The following DCHS1 variants were observed in gnomAD, a reference collection of about 807,000 sequenced individuals.
DCHS1 encodes the protein protocadherin-16.
In DCHS1, 78 loss-of-function variants were observed where a neutral mutation model predicts 213.9. That is an observed-to-expected ratio of 0.36 (90% CI 0.30 to 0.44). The LOEUF (loss-of-function observed/expected upper bound fraction) is 0.44, where lower values mean the gene tolerates loss of function less well. DCHS1 is among the 20% of genes least tolerant of loss of function. DCHS1 has a pLI of 1.00. For missense variants in DCHS1, 3,946 were observed against 4,395.9 expected (o/e 0.90, Z 2.89); for synonymous variants, 1,828 against 1,873.7 (o/e 0.98, Z 0.63).
At position 6,624,371 on chromosome 11, in the gene DCHS1, C is replaced by T; in HGVS notation, c.7305G>A (p.Val2435=). The change falls in exon 21 of 21, where the codon GTG becomes GTA. Residue 2435 remains valine, a synonymous_variant. Transcript: ENST00000299441. The stretch of plus-strand genomic sequence containing the variant: ...CGTCATGGCCCAAGGCCACTGTTCC[C>T]ACTATTGTGAACAGGGTCCCTGAGA... ...DPNNGTLFTI[V]GTVALGHDGS... is the part of the protein sequence containing the mutation. 6.4e-7 allele frequency: 1 copy of T among 1,567,738 alleles called. No homozygotes were observed. The highest frequency in any genetic ancestry group is 1.9e-5 in the Admixed American group (1 of 53,768).
chr11:6,638,725 G>C (rs1856021751), intron 2 of DCHS1, among the ~76,000 whole-genome samples: 1 of 151,922 alleles, frequency 6.6e-6, no homozygotes, highest in Non-Finnish European at 1.5e-5. Flanking sequence ...TTGTTCTCTG[G>C]GCCTAGCACA....
At chr11:6,648,990 G>A (rs879499749) in intron 1 of DCHS1, among the ~76,000 whole-genome samples, 1 of 151,928 alleles carries the variant, frequency 6.6e-6, no homozygotes, top group Non-Finnish European at 1.5e-5. Flanking sequence ...AAACCTCTGG[G>A]GTTTAAAGTG....
At position 6,626,272 on chromosome 11, in the gene DCHS1, GT is replaced by G; in HGVS notation, c.6472del (p.Thr2158ProfsTer2). ...SGGAFAFTVL[T>X]LTLQDANDNA... The stretch of plus-strand genomic sequence containing the variant: ...GTCGTTGGCATCTTGCAGGGTCAGG[GT>G]CAGCACAGTGAAGGCAAAGGCTCCT... On this transcript the variant is annotated frameshift_variant, in exon 16 of 21. Coordinates refer to ENST00000299441, the MANE Select transcript of DCHS1 (RefSeq NM_003737.4). LOFTEE classifies it high-confidence loss of function. The surrounding 1 kb of genome is among the most constrained non-coding windows in gnomAD (Gnocchi z 5.2). 6.2e-7 allele frequency: 1 copy of G among 1,613,190 alleles called. No homozygotes were observed. The highest frequency in any genetic ancestry group is 8.5e-7 in the Non-Finnish European group (1 of 1,179,542).
In DCHS1 at chr11:6,621,547, A is replaced by G. The variant is rs1455625076; in HGVS notation, c.*232T>C. 1.2e-5 allele frequency: 8 copies of G among 668,732 alleles called. No individual in the cohort carries two copies. Among genetic ancestry groups the G allele is most frequent in the Non-Finnish European group, 2.2e-5 (8 of 365,364 alleles). 41.4% of individuals were successfully genotyped at this position (668,732 alleles called of 1,614,324 possible). A position where few individuals can be genotyped will look rare whatever the true frequency, so the allele number is the denominator to read the frequency against. On this transcript the variant is annotated 3_prime_UTR_variant, in exon 21 of 21. Transcript: ENST00000299441. ...TCACTGAGGAGAACCCAGGGCTGCT[A>G]CCTCCTTCATATTTCTCCCCACATT...
Position 6,641,639 on chromosome 11 carries a change from G to A in DCHS1, c.-26C>T. ...GACAAGGGTAGTCCAGCTGTGCCTTGGGCTCCAGCTCCAGGCCAGGCTCTG... is the reference window on the plus strand; with the variant it reads ...GACAAGGGTAGTCCAGCTGTGCCTTAGGCTCCAGCTCCAGGCCAGGCTCTG... On this transcript the variant is annotated 5_prime_UTR_variant, in exon 2 of 21. Coordinates refer to ENST00000299441, the MANE Select transcript of DCHS1 (RefSeq NM_003737.4). The surrounding 1 kb of genome is among the most constrained non-coding windows in gnomAD (Gnocchi z 7.1). 3 of 1,515,580 alleles carry A rather than the reference G, an allele frequency of 2.0e-6. No homozygotes were observed. The highest frequency in any genetic ancestry group is 2.7e-6 in the Non-Finnish European group (3 of 1,125,400). The allele number at this position is 1,515,580 out of a possible 1,614,324, so 93.9% of individuals were successfully genotyped here.
chr11:6,641,108 T>TCACG lies in DCHS1; in HGVS notation c.502_505dup (p.Asp169AlafsTer2). 6.2e-7 allele frequency: 1 copy of TCACG among 1,613,934 alleles called. No homozygotes were observed. Among genetic ancestry groups the TCACG allele is most frequent in the Non-Finnish European group, 8.5e-7 (1 of 1,179,890 alleles). ...GGTTCCCAGACGCCCAGCATCTGCA[T>TCACG]CACGAGCAGGCTCCAGTGGGTAGCG... On this transcript the variant is annotated stop_gained and frameshift_variant, in exon 2 of 21. Transcript: ENST00000299441. LOFTEE classifies it high-confidence loss of function. This position sits in a 1 kb window ranked among gnomAD's most constrained non-coding sequence, Gnocchi z 7.1.
chr11:6,624,196 C>G lies in DCHS1; in HGVS notation c.7480G>C (p.Asp2494His), dbSNP rs772698485. ...AGCAGAGTGGAGCCAGGGGGCAGGT[C>G]TTCAGTCACAGCCACACGGTAGTGT... ...LSHYRVAVTE[D>H]LPPGSTLLTL... The change falls in exon 21 of 21, where the codon GAC (aspartate) becomes CAC (histidine). Residue 2494 changes from aspartate (D) to histidine (H), a missense_variant. Coordinates refer to ENST00000299441, the MANE Select transcript of DCHS1 (RefSeq NM_003737.4). 11 of 1,613,374 alleles carry G rather than the reference C, an allele frequency of 6.8e-6. No individual in the cohort carries two copies. The highest frequency in any genetic ancestry group is 9.3e-6 in the Non-Finnish European group (11 of 1,179,740).
chr11:6,653,613 G>A (rs1415576189), intron 1 of DCHS1, among the ~76,000 whole-genome samples: 2 of 152,204 alleles, frequency 1.3e-5, no homozygotes, highest in African/African-American at 4.8e-5. Flanking sequence ...ATTTATTTAT[G>A]AAGGGCCCAG....
rs1855745878 is a variant in DCHS1 at position 6,623,770 on chromosome 11, G to A, written c.7906C>T (p.Leu2636Phe). Residue 2636 changes from leucine (L) to phenylalanine (F), a missense_variant, in exon 21 of 21, where the codon CTC becomes TTC. By Grantham distance (22) the Leu-to-Phe change is conservative. This residue lies in a region of DCHS1 where 3,384 missense variants were observed against 3,780.1 expected (regional missense o/e 0.90). Coordinates refer to ENST00000299441, the MANE Select transcript of DCHS1 (RefSeq NM_003737.4). ...ASDADPGPHGLVRFTVSSGDP... is the reference protein window; with the variant it reads ...ASDADPGPHGFVRFTVSSGDP... The stretch of plus-strand genomic sequence containing the variant: ...CCTGAGCTGACAGTGAAACGCACGA[G>A]GCCATGAGGGCCAGGGTCAGCGTCA... 6 of 1,613,974 alleles carry A rather than the reference G, an allele frequency of 3.7e-6. No homozygotes were observed. The highest frequency in any genetic ancestry group is 4.2e-6 in the Non-Finnish European group (5 of 1,179,918).
intron 2 of DCHS1, chr11:6,634,793 C>A (rs1016730623): frequency 4.0e-5 from 6 of 151,726 alleles, no homozygotes; most frequent in African/African-American, 1.2e-4. Context: ...AAAAAAGTTG[C>A]AGTAAATAGA....
rs544570203 is a variant in DCHS1, at chr11:6,630,878, G to A, written c.3931-15C>T. The A allele has an allele frequency of 3.9e-5, 59 of 1,508,566 alleles. No homozygotes were observed. The East Asian group carries it at 5.2e-4, about 13-fold the overall frequency. 93.4% of individuals were successfully genotyped at this position (1,508,566 alleles called of 1,614,324 possible). A position where few individuals can be genotyped will look rare whatever the true frequency, so the allele number is the denominator to read the frequency against. The stretch of plus-strand genomic sequence containing the variant: ...GAGGGAAGCACCTGTTGTGGACCGG[G>A]GAGGGAGAACAGAATTGTGAGGGCC... On this transcript the variant is annotated splice_polypyrimidine_tract_variant and intron_variant, in intron 9 of 20. Coordinates refer to ENST00000299441, the MANE Select transcript of DCHS1 (RefSeq NM_003737.4).
chr11:6,623,258 C>G lies in DCHS1; in HGVS notation c.8418G>C (p.Glu2806Asp), dbSNP rs750645299. The G allele has an allele frequency of 4.4e-6, 7 of 1,590,990 alleles. No individual in the cohort carries two copies. In the African/African-American group the frequency reaches 8.1e-5, roughly 18 times the overall value. The change falls in exon 21 of 21, where the codon GAG (glutamate) becomes GAC (aspartate). Residue 2806 changes from glutamate (E) to aspartate (D), a missense_variant. Around this residue, in one of 3 missense-constraint regions of DCHS1, gnomAD observed 3,384 missense variants for 3,780.1 expected, o/e 0.90. Coordinates refer to ENST00000299441, the MANE Select transcript of DCHS1 (RefSeq NM_003737.4). ...CCAGAAATACAGGGTCATACTCATC[C>G]TCTCCAGTCACTAGCACCGACACAG... ...SVTVSVLVTG[E>D]DEYDPVFLAP...
In DCHS1 at chr11:6,632,407, G is replaced by A; in HGVS notation, c.3105C>T (p.His1035=). 6.2e-7 allele frequency: 1 copy of A among 1,613,180 alleles called. No homozygotes were observed. The highest frequency in any genetic ancestry group is 8.5e-7 in the Non-Finnish European group (1 of 1,179,350). The stretch of plus-strand genomic sequence containing the variant: ...GGCTACTTGCTCCCTCTGCTGCAAG[G>A]TGATAGGTGATAGGGCCCCCATCTG... ...QAPDGGPITY[H]LAAEGASSPF... The change falls in exon 6 of 21, where the codon CAC becomes CAT. Residue 1035 remains histidine, a synonymous_variant. Transcript: ENST00000299441. The surrounding 1 kb of genome is among the most constrained non-coding windows in gnomAD (Gnocchi z 5.9).
intron 1 of DCHS1, among the ~76,000 whole-genome samples, chr11:6,647,521 G>A (rs1007363316): frequency 6.6e-6 from 1 of 152,220 alleles, no homozygotes. Context: ...GAGGACAGAT[G>A]TGAGCAAAAG....
chr11:6,621,471 T>G lies in DCHS1; in HGVS notation c.*308A>C. ...ACCTCCTCCATCCCCCTACCCCCAATAAATAAAGTCTCAGCTCCATCTCAG... is the reference window on the plus strand; with the variant it reads ...ACCTCCTCCATCCCCCTACCCCCAAGAAATAAAGTCTCAGCTCCATCTCAG... On this transcript the variant is annotated 3_prime_UTR_variant, in exon 21 of 21. Coordinates refer to ENST00000299441, the MANE Select transcript of DCHS1 (RefSeq NM_003737.4). 8.4e-6 allele frequency: 4 copies of G among 473,870 alleles called. No individual in the cohort carries two copies. Among genetic ancestry groups the G allele is most frequent in the Non-Finnish European group, 1.6e-5 (4 of 251,976 alleles). 29.4% of individuals were successfully genotyped at this position (473,870 alleles called of 1,614,324 possible). A position where few individuals can be genotyped will look rare whatever the true frequency, so the allele number is the denominator to read the frequency against.
Position 6,641,724 on chromosome 11 carries a change from G to T in DCHS1, c.-111C>A. ...CACTGGGGCCCTGGCTCCAGCTCAG[G>T]CTCCCTGACCTGGGAGAAAACAGAA... On this transcript the variant is annotated 5_prime_UTR_variant, in exon 2 of 21. Coordinates refer to ENST00000299441, the MANE Select transcript of DCHS1 (RefSeq NM_003737.4). The surrounding 1 kb of genome is among the most constrained non-coding windows in gnomAD (Gnocchi z 7.1). 6.9e-7 allele frequency: 1 copy of T among 1,443,246 alleles called. No homozygotes were observed. Among genetic ancestry groups the T allele is most frequent in the Non-Finnish European group, 9.1e-7 (1 of 1,099,834 alleles). The allele number at this position is 1,443,246 out of a possible 1,614,324, so 89.4% of individuals were successfully genotyped here.
chr11:6,626,732 AG>A lies in DCHS1; in HGVS notation c.6250+56del. 1 of 1,610,122 alleles carries A rather than the reference AG, an allele frequency of 6.2e-7. No individual in the cohort carries two copies. Among genetic ancestry groups the A allele is most frequent in the Non-Finnish European group, 8.5e-7 (1 of 1,178,240 alleles). Reference sequence around the variant, plus strand: ...GGGAGAGTTTGGGGGACATTTTCAAAGCACAACCCCAGCCCATTTGGGAGTC... The same window carrying A: ...GGGAGAGTTTGGGGGACATTTTCAAACACAACCCCAGCCCATTTGGGAGTC... On this transcript the variant is annotated intron_variant, in intron 14 of 20. Coordinates refer to ENST00000299441, the MANE Select transcript of DCHS1 (RefSeq NM_003737.4). The surrounding 1 kb of genome is among the most constrained non-coding windows in gnomAD (Gnocchi z 5.2).
At position 6,629,794 on chromosome 11, in the gene DCHS1, C is replaced by T. The variant is rs746361167; in HGVS notation, c.4913G>A (p.Ser1638Asn). ...CGCCTCGTCGTTGACGTCAGCGACACTGACGGTCAGGACCTGCGTGGCCGA... is the reference window on the plus strand; with the variant it reads ...CGCCTCGTCGTTGACGTCAGCGACATTGACGGTCAGGACCTGCGTGGCCGA... ...PRSATQVLTV[S>N]VADVNDEAPT... The change falls in exon 11 of 21, where the codon AGT (serine) becomes AAT (asparagine). Residue 1638 changes from serine to asparagine, a missense_variant. Around this residue, in one of 3 missense-constraint regions of DCHS1, gnomAD observed 3,384 missense variants for 3,780.1 expected, o/e 0.90. Coordinates refer to ENST00000299441, the MANE Select transcript of DCHS1 (RefSeq NM_003737.4). 2 of 1,613,586 alleles carry T rather than the reference C, an allele frequency of 1.2e-6. No homozygotes were observed. The highest frequency in any genetic ancestry group is 1.3e-5 in the African/African-American group (1 of 75,080).
rs1209459131 is a variant in DCHS1 at position 6,622,331 on chromosome 11, A to T, written c.9345T>A (p.Thr3115=). 6.2e-7 allele frequency: 1 copy of T among 1,603,442 alleles called. No homozygotes were observed. The highest frequency in any genetic ancestry group is 8.5e-7 in the Non-Finnish European group (1 of 1,175,120). ...TLYREEGPPA[T]ATAFLGGCGL... Reference sequence around the variant, plus strand: ...CACAGCCCCCCAGGAAGGCTGTGGCAGTGGCTGGGGGCCCCTCCTCTCTGT... The same window carrying T: ...CACAGCCCCCCAGGAAGGCTGTGGCTGTGGCTGGGGGCCCCTCCTCTCTGT... The change falls in exon 21 of 21, where the codon ACT becomes ACA. Residue 3115 remains threonine (T), a synonymous_variant. Transcript: ENST00000299441. The surrounding 1 kb of genome is among the most constrained non-coding windows in gnomAD (Gnocchi z 5.4).
Sources: allele counts gnomAD v4.1 joint callset (sites outside exome capture counted in the v4.1 genomes callset), GRCh38; gene constraint gnomAD v4.1.1; regional missense constraint gnomAD v4.1.1; non-coding constraint Gnocchi (gnomAD v3.1); transcripts MANE v1.5; gene names NCBI Gene and HGNC (gene_info 2026-07-23, HGNC 2026-07-21).